The following STAM2 variants were observed in gnomAD, a reference collection of about 807,000 sequenced individuals.
STAM2 encodes the protein signal transducing adapter molecule 2.
STAM2 carries 51 observed loss-of-function variants against 65.6 expected under a neutral mutation model. That is an observed-to-expected ratio of 0.78 (90% CI 0.62 to 0.98). STAM2 has a LOEUF of 0.98. STAM2 is among the 50% of genes least tolerant of loss of function. STAM2 has a pLI of 0.00. For missense variants in STAM2, 584 were observed against 617.8 expected (o/e 0.95, Z 0.58); for synonymous variants, 198 against 208.4 (o/e 0.95, Z 0.43).
At chr2:152,123,170 G>A (rs919404824) in intron 13 of STAM2, among the ~76,000 whole-genome samples, 1 of 151,846 alleles carries the variant, frequency 6.6e-6, no homozygotes, top group Non-Finnish European at 1.5e-5. Context: ...AGGAGTTCGA[G>A]ACCAGCCTGA....
chr2:152,159,110 T>TATATATATATATATATATATATATATAA (rs575009275), intron 1 of STAM2, among the ~76,000 whole-genome samples: 1 of 129,234 alleles, frequency 7.7e-6, no homozygotes, highest in African/African-American at 3.3e-5. Flanking sequence ...TATATATATA[T>TATATATATATATATATATATATATATAA]ACACACACAG....
In STAM2 at chr2:152,172,632, G is replaced by A. The variant is rs143102990; in HGVS notation, c.40+2971C>T. ...GCCTGTAATCTCAACACTTTGGGAG[G>A]CCGAGGCGGGCAGATCACTTGAGGG... On this transcript the variant is annotated intron_variant, in intron 1 of 13. Coordinates refer to ENST00000263904, the MANE Select transcript of STAM2 (RefSeq NM_005843.6). 6.2e-3 allele frequency among the ~76,000 whole-genome samples: 948 copies of A among 152,188 alleles called. 10 individuals carry two copies. The highest frequency in any genetic ancestry group is 0.022 in the African/African-American group (897 of 41,534).
At chr2:152,155,716 T>C (rs1281827318) in intron 1 of STAM2, among the ~76,000 whole-genome samples, 2 of 152,224 alleles carry the variant, frequency 1.3e-5, no homozygotes, top group African/African-American at 4.8e-5. Context: ...ATTTTTCTTT[T>C]TATAGTGTCA....
chr2:152,174,885 T>G (rs1218670838), intron 1 of STAM2, among the ~76,000 whole-genome samples: 1 of 152,226 alleles, frequency 6.6e-6, no homozygotes, highest in East Asian at 1.9e-4. Context: ...CGTATATATC[T>G]TATCCATGTT....
intron 1 of STAM2, among the ~76,000 whole-genome samples, chr2:152,154,126 T>C (rs1323389499): frequency 6.6e-6 from 1 of 152,182 alleles, no homozygotes; most frequent in African/African-American, 2.4e-5. Context: ...GAAGTGGGCA[T>C]GCCTTAGCAC....
chr2:152,164,981 C>T (rs1031140502), intron 1 of STAM2, among the ~76,000 whole-genome samples: 57 of 152,174 alleles, frequency 3.7e-4, no homozygotes, highest in African/African-American at 1.1e-3. Context: ...AGGTGAGAAC[C>T]ACGTCCCCCT....
At chr2:152,140,217 C>A (rs976641244) in intron 7 of STAM2, among the ~76,000 whole-genome samples, 1 of 152,078 alleles carries the variant, frequency 6.6e-6, no homozygotes, top group African/African-American at 2.4e-5. Flanking sequence ...AAATCTGACA[C>A]GGGTTTTGAA....
chr2:152,117,250 A>C lies in STAM2; in HGVS notation c.*3324T>G, dbSNP rs1161614129. ...GAGTGCAGTGGCGTGATCACACCTC[A>C]CTGCAGCCTCAAGCAATACTCCCAC... is the stretch of plus-strand genomic sequence containing the variant. On this transcript the variant is annotated 3_prime_UTR_variant, in exon 14 of 14. Coordinates refer to ENST00000263904, the MANE Select transcript of STAM2 (RefSeq NM_005843.6). The C allele has an allele frequency of 3.9e-5, 6 of 152,098 alleles. No homozygotes were observed. 9.4% of individuals were successfully genotyped at this position (152,098 alleles called of 1,614,324 possible). A position where few individuals can be genotyped will look rare whatever the true frequency, so the allele number is the denominator to read the frequency against.
In STAM2 at chr2:152,118,708, A is replaced by T. The variant is rs768567181; in HGVS notation, c.*1866T>A. On this transcript the variant is annotated 3_prime_UTR_variant, in exon 14 of 14. Coordinates refer to ENST00000263904, the MANE Select transcript of STAM2 (RefSeq NM_005843.6). ...TCGAGAGCAGCTTTGGATTTTTTTT[A>T]AATGTTTTTTAAAAATTATTATTTT... is the stretch of plus-strand genomic sequence containing the variant. 3 of 151,892 alleles carry T rather than the reference A, an allele frequency of 2.0e-5. No homozygotes were observed. The highest frequency in any genetic ancestry group is 4.4e-5 in the Non-Finnish European group (3 of 67,896). 9.4% of individuals were successfully genotyped at this position (151,892 alleles called of 1,614,324 possible).
chr2:152,153,098 A>G (rs922417894), intron 1 of STAM2, among the ~76,000 whole-genome samples: 5 of 152,310 alleles, frequency 3.3e-5, no homozygotes, highest in Non-Finnish European at 7.4e-5. Context: ...ATCAGAATAT[A>G]ATGATTGAGT....
intron 1 of STAM2, among the ~76,000 whole-genome samples, chr2:152,174,811 T>C (rs1390700100): frequency 6.6e-6 from 1 of 152,192 alleles, no homozygotes; most frequent in East Asian, 1.9e-4. Context: ...GACCCAGACT[T>C]TCGAGAATAC....
At chr2:152,163,450 T>C (rs1467178620) in intron 1 of STAM2, among the ~76,000 whole-genome samples, 1 of 148,988 alleles carries the variant, frequency 6.7e-6, no homozygotes, top group African/African-American at 2.5e-5. Context: ...TTGCATTAAC[T>C]GTACAAATTG....
intron 8 of STAM2, among the ~76,000 whole-genome samples, chr2:152,134,850 CTT>C (rs1316816615): frequency 7.2e-5 from 11 of 152,172 alleles, no homozygotes; most frequent in Admixed American, 6.6e-4. Flanking sequence ...CGAGCTGTTC[CTT>C]TACACTCAGA....
chr2:152,147,052 G>T, intron 5 of STAM2, 110 bp downstream of exon 5: 2 of 1,024,916 alleles, frequency 2.0e-6, no homozygotes, highest in Non-Finnish European at 2.7e-6. Flanking sequence ...AGTCATTTGG[G>T]AAGTAAAGGT....
At position 152,123,893 on chromosome 2, in the gene STAM2, T is replaced by G. The variant is rs1234682555; in HGVS notation, c.1222A>C (p.Ser408Arg). 3.7e-6 allele frequency: 6 copies of G among 1,614,174 alleles called. No homozygotes were observed. Among genetic ancestry groups the G allele is most frequent in the Non-Finnish European group, 3.4e-6 (4 of 1,180,016 alleles). The part of the protein sequence containing the change: ...QSHGGNYMGQ[S>R]IHQVTVAQSY... ...TGGGCAACAGTTACTTGGTGAATGC[T>G]CTGACCCATATAGTTTCCACCATGT... Residue 408 changes from serine to arginine, a missense_variant, in exon 13 of 14, where the codon AGC (serine) becomes CGC (arginine). Ser to Arg is a moderately radical substitution (Grantham distance 110). Coordinates refer to ENST00000263904, the MANE Select transcript of STAM2 (RefSeq NM_005843.6).
chr2:152,154,294 T>C (rs936276900), intron 1 of STAM2, among the ~76,000 whole-genome samples: 3 of 152,110 alleles, frequency 2.0e-5, no homozygotes, highest in Middle Eastern at 3.2e-3. Context: ...ACCAATCAGG[T>C]GTCATCACAC....
At chr2:152,164,546 TG>T (rs1473106351) in intron 1 of STAM2, among the ~76,000 whole-genome samples, 2 of 152,190 alleles carry the variant, frequency 1.3e-5, no homozygotes, top group Non-Finnish European at 2.9e-5. Flanking sequence ...TTTTCCATGT[TG>T]GTCAGGCTGG....
chr2:152,157,843 G>C (rs1339172910), intron 1 of STAM2, among the ~76,000 whole-genome samples: 1 of 152,182 alleles, frequency 6.6e-6, no homozygotes, highest in African/African-American at 2.4e-5. Flanking sequence ...AACCAAGCCT[G>C]TCAAAACGTA....
intron 8 of STAM2, among the ~76,000 whole-genome samples, chr2:152,133,922 T>G (rs2105536362): frequency 6.6e-6 from 1 of 152,264 alleles, no homozygotes; most frequent in African/African-American, 2.4e-5. Flanking sequence ...ATCTACGAGT[T>G]CCTTCTACAC....
Sources: allele counts gnomAD v4.1 joint callset (sites outside exome capture counted in the v4.1 genomes callset), GRCh38; gene constraint gnomAD v4.1.1; transcripts MANE v1.5; gene names NCBI Gene and HGNC (gene_info 2026-07-23, HGNC 2026-07-21).